Variants in RPS6KA2 observed in about 807,000 individuals in gnomAD.
The protein encoded by RPS6KA2 is ribosomal protein S6 kinase A2, also known as ribosomal protein S6 kinase alpha-2.
A neutral mutation model predicts 91.8 loss-of-function variants in RPS6KA2; 42 were observed. That is an observed-to-expected ratio of 0.46 (90% CI 0.36 to 0.59). RPS6KA2 has a LOEUF of 0.59. Ranked by LOEUF, RPS6KA2 falls within the 20% of genes least tolerant of loss-of-function variation. The pLI, the probability that RPS6KA2 is intolerant of heterozygous loss-of-function variation, is 0.00. For missense variants in RPS6KA2, 798 were observed against 978.5 expected (o/e 0.82, Z 2.46); for synonymous variants, 414 against 393.6 (o/e 1.05, Z -0.61).
chr6:166,685,948 G>A, intron 2 of RPS6KA2, among the ~76,000 whole-genome samples: 1 of 152,232 alleles, frequency 6.6e-6, no homozygotes, highest in East Asian at 1.9e-4. Context: ...TGCCCTAGGA[G>A]GGAGGGGGAC....
intron 2 of RPS6KA2, among the ~76,000 whole-genome samples, chr6:166,677,009 C>T (rs747440025): frequency 1.3e-5 from 2 of 152,162 alleles, no homozygotes; most frequent in African/African-American, 4.8e-5. Flanking sequence ...TTCTCTTCAA[C>T]GGAGTTTTAG....
At chr6:166,653,785 C>G (rs777561365) in intron 2 of RPS6KA2, among the ~76,000 whole-genome samples, 5 of 152,194 alleles carry the variant, frequency 3.3e-5, no homozygotes, top group Non-Finnish European at 5.9e-5. Context: ...AAGTAGCACA[C>G]ACAAGAGAAA....
intron 2 of RPS6KA2, among the ~76,000 whole-genome samples, chr6:166,781,380 C>T (rs1778768369): frequency 6.6e-6 from 1 of 152,180 alleles, no homozygotes; most frequent in South Asian, 2.1e-4. Flanking sequence ...CTGGCGTGCT[C>T]CCAGGGAAGA....
rs143016761 is a variant in RPS6KA2 at position 166,582,471 on chromosome 6, G to A, written c.100-43687C>T. 2.7e-3 allele frequency among the ~76,000 whole-genome samples: 408 copies of A among 152,302 alleles called. 2 individuals are homozygous for A. Among genetic ancestry groups the A allele is most frequent in the Middle Eastern group, 0.01 (3 of 294 alleles). ...ACCACCATGACCTCATTAGTTGGGC[G>A]GAGATGAATATGCAGCCATTTTACG... On this transcript the variant is annotated intron_variant, in intron 1 of 20. Transcript: ENST00000265678.
chr6:166,589,573 A>AC (rs1188236169), intron 1 of RPS6KA2, among the ~76,000 whole-genome samples: 1 of 152,166 alleles, frequency 6.6e-6, no homozygotes, highest in African/African-American at 2.4e-5. Context: ...ATGTCATTCT[A>AC]CCCTTAGGTA....
chr6:166,440,843 C>T (rs1291325733), intron 14 of RPS6KA2, among the ~76,000 whole-genome samples: 3 of 152,158 alleles, frequency 2.0e-5, no homozygotes, highest in South Asian at 2.1e-4. Context: ...TCGGGGCAAA[C>T]GCTGCAGCCG....
chr6:166,750,382 A>G (rs1230276337), intron 2 of RPS6KA2, among the ~76,000 whole-genome samples: 1 of 151,858 alleles, frequency 6.6e-6, no homozygotes, highest in Admixed American at 6.5e-5. Context: ...CAGTGCACGC[A>G]CATCTGTGAC....
At chr6:166,811,634 A>C (rs554994198) in intron 2 of RPS6KA2, among the ~76,000 whole-genome samples, 4 of 152,240 alleles carry the variant, frequency 2.6e-5, no homozygotes, top group Non-Finnish European at 4.4e-5. Context: ...AGAAAAAACA[A>C]AATAAAAATA....
Position 166,603,766 on chromosome 6 carries a change from G to A in RPS6KA2, c.99+23155C>T, listed in dbSNP as rs114235857. Among the ~76,000 whole-genome samples, 1,063 of 152,338 alleles carry A rather than the reference G, an allele frequency of 7.0e-3. 10 individuals are homozygous for A. Among genetic ancestry groups the A allele is most frequent in the African/African-American group, 0.024 (1,008 of 41,566 alleles). On this transcript the variant is annotated intron_variant, in intron 1 of 20. Transcript: ENST00000265678. This position sits in a 1 kb window ranked among gnomAD's most constrained non-coding sequence, Gnocchi z 4.3. ...GGTTGCAGAAGGGAGGCCAGGGAATGGCTGTGGCCCAGGTGTATCAAATAA... is the reference window on the plus strand; with the variant it reads ...GGTTGCAGAAGGGAGGCCAGGGAATAGCTGTGGCCCAGGTGTATCAAATAA...
At chr6:166,682,445 G>A (rs1031113260) in intron 2 of RPS6KA2, among the ~76,000 whole-genome samples, 15 of 152,250 alleles carry the variant, frequency 9.9e-5, no homozygotes, top group East Asian at 3.9e-4. Flanking sequence ...GGTGGGGTCC[G>A]GTGTGGGCAG....
chr6:166,504,540 G>A lies in RPS6KA2; in HGVS notation c.532C>T (p.Leu178=). 2 of 1,613,470 alleles carry A rather than the reference G, an allele frequency of 1.2e-6. No homozygotes were observed. Among genetic ancestry groups the A allele is most frequent in the Non-Finnish European group, 1.7e-6 (2 of 1,179,480 alleles). ...TTCAGATCTCTGTAGATGATCCCCA[G>A]GCTGTGGAGATGGTCTAAAGCCAAG... ...LALALDHLHS[L]GIIYRDLKPE... Residue 178 remains leucine, a synonymous_variant, in exon 6 of 21, where the codon CTG becomes TTG. Coordinates refer to ENST00000265678, the MANE Select transcript of RPS6KA2 (RefSeq NM_021135.6).
chr6:166,541,932 G>T (rs1583260511), intron 1 of RPS6KA2, among the ~76,000 whole-genome samples: 1 of 152,058 alleles, frequency 6.6e-6, no homozygotes, highest in Non-Finnish European at 1.5e-5. Flanking sequence ...AATCAGTAAG[G>T]TTTTTAACCG....
In RPS6KA2 at chr6:166,488,824, G is replaced by T; in HGVS notation, c.907+9C>A. On this transcript the variant is annotated intron_variant, in intron 10 of 20. Transcript: ENST00000265678. ...CGTTCCCGTGGTGGGGTGTCCCGGG[G>T]AATCTTACCCAGCCGGTTGCAGGGG... is the stretch of plus-strand genomic sequence containing the variant. 1 of 1,609,168 alleles carries T rather than the reference G, an allele frequency of 6.2e-7. No individual in the cohort carries two copies.
chr6:166,433,413 A>G lies in RPS6KA2; in HGVS notation c.1333-923T>C, dbSNP rs983088230. ...ATTTAAGCCTACCTTGGAAACAGGA[A>G]GTCGCTGTTGGTCCCTGGTGGCTAA... On this transcript the variant is annotated intron_variant, in intron 14 of 20. Coordinates refer to ENST00000265678, the MANE Select transcript of RPS6KA2 (RefSeq NM_021135.6). The surrounding 1 kb of genome is among the most constrained non-coding windows in gnomAD (Gnocchi z 4.4). Among the ~76,000 whole-genome samples the G allele has an allele frequency of 6.6e-6, 1 of 152,192 alleles. No homozygotes were observed. The highest frequency in any genetic ancestry group is 2.4e-5 in the African/African-American group (1 of 41,454).
chr6:166,452,942 G>A (rs1324919408), intron 12 of RPS6KA2, among the ~76,000 whole-genome samples: 1 of 152,200 alleles, frequency 6.6e-6, no homozygotes, highest in Non-Finnish European at 1.5e-5. Context: ...GCTCACACCT[G>A]TAATCCCAGC....
At chr6:166,782,416 G>T (rs1406684593) in intron 2 of RPS6KA2, among the ~76,000 whole-genome samples, 1 of 152,154 alleles carries the variant, frequency 6.6e-6, no homozygotes, top group African/African-American at 2.4e-5. Context: ...AGCCTATCTG[G>T]GGTCCCGGCA....
At chr6:166,583,746 G>A (rs1785090375) in intron 1 of RPS6KA2, among the ~76,000 whole-genome samples, 2 of 152,216 alleles carry the variant, frequency 1.3e-5, no homozygotes, top group Non-Finnish European at 2.9e-5. Context: ...ATCTCACTTG[G>A]CTTGTTTCAG....
intron 2 of RPS6KA2, among the ~76,000 whole-genome samples, chr6:166,803,507 G>A (rs1193278786): frequency 1.3e-5 from 2 of 152,246 alleles, no homozygotes; most frequent in African/African-American, 4.8e-5. Flanking sequence ...CAAACCAAGA[G>A]TTAATCTAAA....
chr6:166,681,691 CCCCCCCCCCCG>C (rs200042385), intron 2 of RPS6KA2, among the ~76,000 whole-genome samples: 12,858 of 25,256 alleles, frequency 0.51, 1,191 homozygotes, highest in Middle Eastern at 0.58. Flanking sequence ...CCCCTGCCCG[CCCCCCCCCCCG>C]CCCCCGCCCA....
Sources: allele counts gnomAD v4.1 joint callset (sites outside exome capture counted in the v4.1 genomes callset), GRCh38; gene constraint gnomAD v4.1.1; non-coding constraint Gnocchi (gnomAD v3.1); transcripts MANE v1.5; gene names NCBI Gene and HGNC (gene_info 2026-07-23, HGNC 2026-07-21).